The following ATP6V1B2 variants were observed in gnomAD, a reference collection of about 807,000 sequenced individuals.
ATP6V1B2 encodes the protein V-type proton ATPase subunit B, brain isoform.
In ATP6V1B2, 23 loss-of-function variants were observed where a neutral mutation model predicts 66.7. The observed-to-expected ratio is 0.34, with a 90% CI of 0.25 to 0.49. The LOEUF (loss-of-function observed/expected upper bound fraction) is 0.49. Among genes scored for constraint, ATP6V1B2 ranks in the 20% least tolerant of loss-of-function variants. ATP6V1B2 has a pLI of 0.99. For missense variants in ATP6V1B2, 478 were observed against 650.8 expected (o/e 0.73, Z 2.89); for synonymous variants, 278 against 236.7 (o/e 1.17, Z -1.60).
In ATP6V1B2 at chr8:20,220,580, T is replaced by C; in HGVS notation, c.*178T>C. 1.1e-6 allele frequency: 1 copy of C among 889,224 alleles called. No homozygotes were observed. Among genetic ancestry groups the C allele is most frequent in the Non-Finnish European group, 1.6e-6 (1 of 635,906 alleles). The allele number at this position is 889,224 out of a possible 1,614,324, so 55.1% of individuals were successfully genotyped here. On this transcript the variant is annotated 3_prime_UTR_variant, in exon 14 of 14. Transcript: ENST00000276390. ...CAACGTTTTAAACTGCTAACAGACC[T>C]TAAAATATCCCCCTACCTGGGTCCT...
intron 2 of ATP6V1B2, among the ~76,000 whole-genome samples, chr8:20,208,023 T>C (rs1310720936): frequency 6.6e-6 from 1 of 152,220 alleles, no homozygotes; most frequent in Non-Finnish European, 1.5e-5. Flanking sequence ...CTGTTTTTAT[T>C]AAAATGGCAA....
At chr8:20,205,535 G>C (rs76752308) in intron 2 of ATP6V1B2, among the ~76,000 whole-genome samples, 1,545 of 152,300 alleles carry the variant, frequency 0.01, 14 homozygotes, top group Non-Finnish European at 0.017. Flanking sequence ...AAGTTTCATT[G>C]AATGTTACAT....
At chr8:20,209,147 T>C (rs2072767054) in intron 2 of ATP6V1B2, among the ~76,000 whole-genome samples, 1 of 152,196 alleles carries the variant, frequency 6.6e-6, no homozygotes, top group Non-Finnish European at 1.5e-5. Flanking sequence ...CTCAAAACTA[T>C]AAAATATGCA....
intron 2 of ATP6V1B2, among the ~76,000 whole-genome samples, chr8:20,207,689 T>C (rs2072752734): frequency 6.6e-6 from 1 of 151,728 alleles, no homozygotes; most frequent in Admixed American, 6.6e-5. Context: ...ATGTAAAAAG[T>C]GTTGTGCACA....
intron 2 of ATP6V1B2, among the ~76,000 whole-genome samples, chr8:20,207,950 A>T (rs191480002): frequency 4.6e-5 from 7 of 152,368 alleles, no homozygotes; most frequent in African/African-American, 1.7e-4. Context: ...ATAATTGACA[A>T]TGATAAGCAT....
rs1340442239 is a variant in ATP6V1B2 at position 20,214,798 on chromosome 8, T to C, written c.928-20T>C. On this transcript the variant is annotated intron_variant, in intron 9 of 13. Transcript: ENST00000276390. Reference sequence around the variant, plus strand: ...GTTGTAATATCGTGCATGATACTCTTCTGCTTGACCTGCTGTCAGGTTTCA... The same window carrying C: ...GTTGTAATATCGTGCATGATACTCTCCTGCTTGACCTGCTGTCAGGTTTCA... 2 of 1,603,282 alleles carry C rather than the reference T, an allele frequency of 1.2e-6. No individual in the cohort carries two copies. Among genetic ancestry groups the C allele is most frequent in the Non-Finnish European group, 1.7e-6 (2 of 1,174,456 alleles).
In ATP6V1B2 at chr8:20,197,553, G is replaced by C. The variant is rs2072640976; in HGVS notation, c.136+11G>C. On this transcript the variant is annotated intron_variant, in intron 1 of 13. Transcript: ENST00000276390. The stretch of plus-strand genomic sequence containing the variant: ...CCCAGCCTCGCCTCAGTGAGTATCA[G>C]AGAGTAATACGTCTCCGGTCTTTGC... 8.0e-6 allele frequency: 11 copies of C among 1,375,902 alleles called. No homozygotes were observed. In the South Asian group the frequency reaches 9.3e-5, roughly 12 times the overall value. 85.2% of individuals were successfully genotyped at this position (1,375,902 alleles called of 1,614,324 possible).
intron 12 of ATP6V1B2, among the ~76,000 whole-genome samples, chr8:20,217,750 A>T (rs1470832587): frequency 6.6e-6 from 1 of 152,202 alleles, no homozygotes; most frequent in East Asian, 1.9e-4. Flanking sequence ...AAGATTGTAC[A>T]CTAACACAAA....
intron 2 of ATP6V1B2, among the ~76,000 whole-genome samples, chr8:20,208,449 G>T (rs1433229412): frequency 2.0e-5 from 3 of 152,064 alleles, no homozygotes; most frequent in Non-Finnish European, 4.4e-5. Flanking sequence ...AAATAATGAT[G>T]CATCTTTCAA....
chr8:20,204,540 G>T lies in ATP6V1B2; in HGVS notation c.192+1G>T, dbSNP rs760006623. 6.2e-7 allele frequency: 1 copy of T among 1,608,420 alleles called. No homozygotes were observed. Among genetic ancestry groups the T allele is most frequent in the Non-Finnish European group, 8.5e-7 (1 of 1,175,184 alleles). Reference sequence around the variant, plus strand: ...ACTAGTGATCTTAGATCATGTTAAGGTAATACCACTATCTGTTTTGGTCTA... The same window carrying T: ...ACTAGTGATCTTAGATCATGTTAAGTTAATACCACTATCTGTTTTGGTCTA... On this transcript the variant is annotated splice_donor_variant, in intron 2 of 13. Transcript: ENST00000276390. LOFTEE classifies it high-confidence loss of function.
At chr8:20,216,574 G>C in intron 11 of ATP6V1B2, 79 bp downstream of exon 11, 1 of 1,352,572 alleles carries the variant, frequency 7.4e-7, no homozygotes, top group East Asian at 2.3e-5. Context: ...TTTGCTCTTA[G>C]GAATTGCTTT....
rs368067224 is a variant in ATP6V1B2 at position 20,197,420 on chromosome 8, C to T, written c.14C>T (p.Ala5Val). 4.2e-5 allele frequency: 65 copies of T among 1,543,154 alleles called. No homozygotes were observed. Among genetic ancestry groups the T allele is most frequent in the Admixed American group, 7.8e-5 (4 of 51,328 alleles). MALRAMRGIVNGAAP... is the reference protein window; with the variant it reads MALRVMRGIVNGAAP... ...AGAGGAGACAAGATGGCGCTGCGGG[C>T]GATGCGGGGGATTGTCAACGGGGCC... The change falls in exon 1 of 14, where the codon GCG (alanine) becomes GTG (valine). Residue 5 changes from alanine (A) to valine (V), a missense_variant. Physicochemically the swap from Ala to Val is moderately conservative, Grantham distance 64. Transcript: ENST00000276390.
At chr8:20,205,038 C>G (rs1413489239) in intron 2 of ATP6V1B2, among the ~76,000 whole-genome samples, 1 of 152,190 alleles carries the variant, frequency 6.6e-6, no homozygotes, top group East Asian at 1.9e-4. Context: ...TACCTCCTGA[C>G]TGCAGTTTGA....
chr8:20,218,215 C>A lies in ATP6V1B2; in HGVS notation c.1329C>A (p.Ala443=). Residue 443 remains alanine (A), a synonymous_variant, in exon 13 of 14, where the codon GCC becomes GCA. Transcript: ENST00000276390. ...QAMKAVVGEE[A]LTSDDLLYLE... is the part of the protein sequence containing the mutation. Reference sequence around the variant, plus strand: ...TGAAAGCTGTCGTTGGAGAAGAAGCCCTTACCTCAGATGATCTTCTCTACT... The same window carrying A: ...TGAAAGCTGTCGTTGGAGAAGAAGCACTTACCTCAGATGATCTTCTCTACT... 1 of 1,613,320 alleles carries A rather than the reference C, an allele frequency of 6.2e-7. No individual in the cohort carries two copies. Among genetic ancestry groups the A allele is most frequent in the African/African-American group, 1.3e-5 (1 of 74,946 alleles).
chr8:20,206,809 G>A (rs1186600024), intron 2 of ATP6V1B2, among the ~76,000 whole-genome samples: 92 of 152,156 alleles, frequency 6.0e-4, no homozygotes, highest in Non-Finnish European at 7.3e-5. Flanking sequence ...CTGTCAGGAA[G>A]TCAGGGGATG....
chr8:20,216,272 A>T, intron 10 of ATP6V1B2, 141 bp from the exon 11 acceptor site: 1 of 642,394 alleles, frequency 1.6e-6, no homozygotes, highest in Non-Finnish European at 2.7e-6. Context: ...CATCACAGAA[A>T]ATGACTCTAA....
chr8:20,207,460 G>A (rs544920649), intron 2 of ATP6V1B2, among the ~76,000 whole-genome samples: 1 of 152,196 alleles, frequency 6.6e-6, no homozygotes, highest in South Asian at 2.1e-4. Flanking sequence ...AAGTCTAATA[G>A]AAGACAATAC....
chr8:20,202,050 C>G (rs1039346995), intron 1 of ATP6V1B2, among the ~76,000 whole-genome samples: 1 of 152,160 alleles, frequency 6.6e-6, no homozygotes, highest in African/African-American at 2.4e-5. Flanking sequence ...GACCCATTCC[C>G]CTCTTAGAGG....
At chr8:20,203,784 T>G (rs530302464) in intron 1 of ATP6V1B2, among the ~76,000 whole-genome samples, 1 of 152,316 alleles carries the variant, frequency 6.6e-6, no homozygotes, top group African/African-American at 2.4e-5. Flanking sequence ...GGGCGCACTT[T>G]GCAGTGGAAA....
Sources: gnomAD v4.1 joint callset for allele counts (sites outside exome capture counted in the v4.1 genomes callset) on GRCh38, gnomAD v4.1.1 for gene constraint, MANE v1.5 for transcripts, NCBI Gene and HGNC (gene_info 2026-07-23, HGNC 2026-07-21) for gene names.